Variants in ZNF543 observed in about 807,000 individuals in gnomAD.
The protein encoded by ZNF543 is zinc finger protein 543.
Under a neutral mutation model 13.4 loss-of-function variants are expected in ZNF543, and 10 were observed. That is an observed-to-expected ratio of 0.75 (90% CI 0.46 to 1.26). ZNF543 has a LOEUF of 1.26. ZNF543 is among the 50% of genes most tolerant of loss of function. ZNF543 has a pLI of 0.00. For missense variants in ZNF543, 768 were observed against 741.2 expected (o/e 1.04, Z -0.42); for synonymous variants, 272 against 264.7 (o/e 1.03, Z -0.27).
intron 1 of ZNF543, among the ~76,000 whole-genome samples, chr19:57,323,292 C>T (rs1292951238): frequency 1.3e-5 from 2 of 151,604 alleles, no homozygotes; most frequent in Admixed American, 6.6e-5. Flanking sequence ...CCCGGGTTCA[C>T]GCCATTCTCC....
chr19:57,328,305 G>A lies in ZNF543; in HGVS notation c.843G>A (p.Lys281=), dbSNP rs780837111. 6.2e-7 allele frequency: 1 copy of A among 1,612,836 alleles called. No homozygotes were observed. Among genetic ancestry groups the A allele is most frequent in the Non-Finnish European group, 8.5e-7 (1 of 1,179,740 alleles). ...ACCAGCGGATTCACAGTGGAGAGAAGCCTTATAAGTGCAGTGAATGTGGAA... is the reference window on the plus strand; with the variant it reads ...ACCAGCGGATTCACAGTGGAGAGAAACCTTATAAGTGCAGTGAATGTGGAA... ...TRHQRIHSGE[K]PYKCSECGKA... is the part of the protein sequence containing the mutation. The change falls in exon 4 of 4, where the codon AAG becomes AAA. Residue 281 remains lysine, a synonymous_variant. Coordinates refer to ENST00000321545, the MANE Select transcript of ZNF543 (RefSeq NM_213598.4).
In ZNF543 at chr19:57,328,356, T is replaced by A. The variant is rs998990393; in HGVS notation, c.894T>A (p.Phe298Leu). The A allele has an allele frequency of 6.2e-7, 1 of 1,613,728 alleles. No individual in the cohort carries two copies. Among genetic ancestry groups the A allele is most frequent in the Non-Finnish European group, 8.5e-7 (1 of 1,179,960 alleles). ...AGGCCTTCACCCACCGCTCCACTTT[T>A]GTCTTGCATCACAGGAGCCACACTG... The part of the protein sequence containing the change: ...CGKAFTHRST[F>L]VLHHRSHTGE... The change falls in exon 4 of 4, where the codon TTT (phenylalanine) becomes TTA (leucine). Residue 298 changes from phenylalanine (F) to leucine (L), a missense_variant. Around this residue, in one of 3 missense-constraint regions of ZNF543, gnomAD observed 677 missense variants for 631.4 expected, o/e 1.07. Coordinates refer to ENST00000321545, the MANE Select transcript of ZNF543 (RefSeq NM_213598.4).
At chr19:57,322,041 C>T (rs1600049893) in intron 1 of ZNF543, among the ~76,000 whole-genome samples, 2 of 152,196 alleles carry the variant, frequency 1.3e-5, no homozygotes, top group Non-Finnish European at 2.9e-5. Context: ...ATGTGCCTTC[C>T]TCCTTAGCCA....
rs974571902 is a variant in ZNF543, at chr19:57,329,358, C to A, written c.*93C>A. ...AAACGTGTAATAGATGATCATTTGT[C>A]GTCTAAACAATCAAGTTAGAAATTG... On this transcript the variant is annotated 3_prime_UTR_variant, in exon 4 of 4. Transcript: ENST00000321545. 2.8e-5 allele frequency: 41 copies of A among 1,477,982 alleles called. No homozygotes were observed. The highest frequency in any genetic ancestry group is 4.2e-5 in the African/African-American group (3 of 71,142). 91.6% of individuals were successfully genotyped at this position (1,477,982 alleles called of 1,614,324 possible).
In ZNF543 at chr19:57,320,474, C is replaced by G. The variant is rs756677047; in HGVS notation, c.-380C>G. 11 of 190,168 alleles carry G rather than the reference C, an allele frequency of 5.8e-5. No individual in the cohort carries two copies. The highest frequency in any genetic ancestry group is 8.7e-5 in the Non-Finnish European group (8 of 92,168). 11.8% of individuals were successfully genotyped at this position (190,168 alleles called of 1,614,324 possible). A position where few individuals can be genotyped will look rare whatever the true frequency, so the allele number is the denominator to read the frequency against. ...GGCGGAGGTGGGACTTCCGCTTCGTCGCGTGACGTCATCTCCGTGAGCAGG... is the reference window on the plus strand; with the variant it reads ...GGCGGAGGTGGGACTTCCGCTTCGTGGCGTGACGTCATCTCCGTGAGCAGG... On this transcript the variant is annotated 5_prime_UTR_variant, in exon 1 of 4. Transcript: ENST00000321545.
At position 57,329,099 on chromosome 19, in the gene ZNF543, G is replaced by A. The variant is rs766925914; in HGVS notation, c.1637G>A (p.Arg546His). 161 of 1,614,094 alleles carry A rather than the reference G, an allele frequency of 1.0e-4. No individual in the cohort carries two copies. The highest frequency in any genetic ancestry group is 1.3e-4 in the Non-Finnish European group (148 of 1,180,050). ...ECSECGKAFN[R>H]GSSLTHHQRI... ...AGTGAGTGTGGAAAGGCTTTTAATC[G>A]CGGCTCATCCCTCACACATCATCAA... The change falls in exon 4 of 4, where the codon CGC becomes CAC. Residue 546 changes from arginine (R) to histidine (H), a missense_variant. By Grantham distance (29) the Arg-to-His change is conservative. Around this residue, in one of 3 missense-constraint regions of ZNF543, gnomAD observed 677 missense variants for 631.4 expected, o/e 1.07. Transcript: ENST00000321545.
At position 57,329,872 on chromosome 19, in the gene ZNF543, T is replaced by G. The variant is rs1180756547; in HGVS notation, c.*607T>G. 6.6e-6 allele frequency: 1 copy of G among 152,228 alleles called. No homozygotes were observed. The highest frequency in any genetic ancestry group is 1.5e-5 in the Non-Finnish European group (1 of 68,068). 9.4% of individuals were successfully genotyped at this position (152,228 alleles called of 1,614,324 possible). A position where few individuals can be genotyped will look rare whatever the true frequency, so the allele number is the denominator to read the frequency against. On this transcript the variant is annotated 3_prime_UTR_variant, in exon 4 of 4. Transcript: ENST00000321545. The stretch of plus-strand genomic sequence containing the variant: ...TAGGGAAGAGAAAGAAACCACAGCT[T>G]CTTTTAGACTTGTCTGACAAGCCTA...
chr19:57,320,783 G>T lies in ZNF543; in HGVS notation c.-71G>T, dbSNP rs2088085093. The T allele has an allele frequency of 6.2e-7, 1 of 1,604,088 alleles. No homozygotes were observed. ...AAGTCAGCCGAGGTCGCCCCGCCCA[G>T]GACAGAGAAGGGCTGGGGGTCGGCT... On this transcript the variant is annotated 5_prime_UTR_variant, in exon 1 of 4. The change creates a new upstream start codon in the 5' untranslated region. Coordinates refer to ENST00000321545, the MANE Select transcript of ZNF543 (RefSeq NM_213598.4).
rs1308442622 is a variant in ZNF543 at position 57,329,261 on chromosome 19, G to A, written c.1799G>A (p.Trp600Ter). The A allele has an allele frequency of 6.3e-7, 1 of 1,596,638 alleles. No homozygotes were observed. The highest frequency in any genetic ancestry group is 2.2e-5 in the East Asian group (1 of 44,614). Residue 600 changes from tryptophan to a stop codon, truncating the protein, a stop_gained, in exon 4 of 4, where the codon TGG becomes TAG. Transcript: ENST00000321545. LOFTEE classifies it high-confidence loss of function. Reference sequence around the variant, plus strand: ...AATATCACCACTGAAGAAAATCTGTGGTGAAAGGGAACATCTTACCATCTG... The same window carrying A: ...AATATCACCACTGAAGAAAATCTGTAGTGAAAGGGAACATCTTACCATCTG... ...FLNITTEENL[W>*]
rs1310440012 is a variant in ZNF543 at position 57,328,331 on chromosome 19, A to G, written c.869A>G (p.Lys290Arg). 1.2e-6 allele frequency: 2 copies of G among 1,614,050 alleles called. No homozygotes were observed. The highest frequency in any genetic ancestry group is 1.1e-5 in the South Asian group (1 of 91,078). ...EKPYKCSECG[K>R]AFTHRSTFVL... The stretch of plus-strand genomic sequence containing the variant: ...CCTTATAAGTGCAGTGAATGTGGAA[A>G]GGCCTTCACCCACCGCTCCACTTTT... Residue 290 changes from lysine (K) to arginine (R), a missense_variant, in exon 4 of 4, where the codon AAG (lysine) becomes AGG (arginine). Transcript: ENST00000321545.
At position 57,326,874 on chromosome 19, in the gene ZNF543, CCCA is replaced by C. The variant is rs200628741; in HGVS notation, c.241+149_241+151del. ...TGGAGCCTCTCCCCGCCCGCCCCCCCCCACCCGCCTTCAGACAGGGTTTCACTC... is the reference window on the plus strand; with the variant it reads ...TGGAGCCTCTCCCCGCCCGCCCCCCCCCCGCCTTCAGACAGGGTTTCACTC... On this transcript the variant is annotated intron_variant, in intron 3 of 3. Transcript: ENST00000321545. The C allele has an allele frequency of 6.4e-3, 932 of 146,524 alleles. 5 individuals carry two copies. Among genetic ancestry groups the C allele is most frequent in the African/African-American group, 0.045 (404 of 9,020 alleles). 9.1% of individuals were successfully genotyped at this position (146,524 alleles called of 1,614,324 possible). A position where few individuals can be genotyped will look rare whatever the true frequency, so the allele number is the denominator to read the frequency against.
Position 57,329,026 on chromosome 19 carries a change from C to G in ZNF543, c.1564C>G (p.Leu522Val), listed in dbSNP as rs1016422697. 1.2e-6 allele frequency: 2 copies of G among 1,614,030 alleles called. No homozygotes were observed. Among genetic ancestry groups the G allele is most frequent in the Non-Finnish European group, 1.7e-6 (2 of 1,180,032 alleles). The change falls in exon 4 of 4, where the codon CTT (leucine) becomes GTT (valine). Residue 522 changes from leucine (L) to valine (V), a missense_variant. Physicochemically the swap from Leu to Val is conservative, Grantham distance 32. Around this residue, in one of 3 missense-constraint regions of ZNF543, gnomAD observed 677 missense variants for 631.4 expected, o/e 1.07. Transcript: ENST00000321545. ...GAAAGCCTTTTGCCGGAGCGCAAACCTTATTCGACACTCCATCATTCACAC... is the reference window on the plus strand; with the variant it reads ...GAAAGCCTTTTGCCGGAGCGCAAACGTTATTCGACACTCCATCATTCACAC... Reference protein sequence around the residue: ...CGKAFCRSANLIRHSIIHTGE... With the variant: ...CGKAFCRSANVIRHSIIHTGE...
At position 57,328,342 on chromosome 19, in the gene ZNF543, C is replaced by G; in HGVS notation, c.880C>G (p.His294Asp). The part of the protein sequence containing the change: ...KCSECGKAFT[H>D]RSTFVLHHRS... ...CAGTGAATGTGGAAAGGCCTTCACC[C>G]ACCGCTCCACTTTTGTCTTGCATCA... is the stretch of plus-strand genomic sequence containing the variant. The change falls in exon 4 of 4, where the codon CAC becomes GAC. Residue 294 changes from histidine to aspartate, a missense_variant. Transcript: ENST00000321545. 1 of 1,613,886 alleles carries G rather than the reference C, an allele frequency of 6.2e-7. No homozygotes were observed. Among genetic ancestry groups the G allele is most frequent in the Non-Finnish European group, 8.5e-7 (1 of 1,179,992 alleles).
At chr19:57,322,843 G>T (rs1215939501) in intron 1 of ZNF543, among the ~76,000 whole-genome samples, 2 of 152,106 alleles carry the variant, frequency 1.3e-5, no homozygotes, top group Non-Finnish European at 2.9e-5. Context: ...TGGACATCAG[G>T]GCTCAGATAA....
chr19:57,325,783 C>T (rs556605157), intron 2 of ZNF543, among the ~76,000 whole-genome samples: 18 of 152,190 alleles, frequency 1.2e-4, no homozygotes, highest in African/African-American at 3.4e-4. Context: ...ACTCCCAAAG[C>T]GTTGGGATTA....
chr19:57,327,650 T>G, intron 3 of ZNF543, 54 bp from the exon 4 acceptor site: 1 of 1,534,834 alleles, frequency 6.5e-7, no homozygotes, highest in South Asian at 1.3e-5. Context: ...TGGCCTTTGT[T>G]TTTTCTATAA....
intron 2 of ZNF543, among the ~76,000 whole-genome samples, chr19:57,326,265 C>T (rs547779346): frequency 1.3e-5 from 2 of 152,106 alleles, no homozygotes; most frequent in Non-Finnish European, 2.9e-5. Flanking sequence ...TCACTACAAC[C>T]TCCGCCTCCT....
chr19:57,323,046 T>C (rs538096464), intron 1 of ZNF543, among the ~76,000 whole-genome samples: 5 of 151,902 alleles, frequency 3.3e-5, no homozygotes, highest in Non-Finnish European at 7.4e-5. Context: ...TTGTTGCTGG[T>C]GTTGTTTTTG....
intron 1 of ZNF543, 51 bp downstream of exon 1, chr19:57,320,922 C>G (rs551724746): frequency 1.9e-6 from 3 of 1,612,622 alleles, no homozygotes; most frequent in South Asian, 1.1e-5. Context: ...TTCTGGAGGC[C>G]TCGTGGGCAG....
Sources: allele counts gnomAD v4.1 joint callset (sites outside exome capture counted in the v4.1 genomes callset), GRCh38; gene constraint gnomAD v4.1.1; regional missense constraint gnomAD v4.1.1; transcripts MANE v1.5; gene names NCBI Gene and HGNC (gene_info 2026-07-23, HGNC 2026-07-21).